Variants in STAP1 observed in about 807,000 individuals in gnomAD.
STAP1 encodes signal transducing adaptor family member 1.
Under a neutral mutation model 37.8 loss-of-function variants are expected in STAP1, and 30 were observed. That is an observed-to-expected ratio of 0.79 (90% CI 0.59 to 1.08). STAP1 has a LOEUF of 1.08. Among genes scored for constraint, STAP1 ranks in the 50% least tolerant of loss-of-function variants. The pLI, the probability that STAP1 is intolerant of heterozygous loss-of-function variation, is 0.00. For synonymous variants in STAP1, 130 were observed against 116.0 expected (o/e 1.12, Z -0.78); for missense variants, 357 against 349.4 (o/e 1.02, Z -0.17).
At chr4:67,598,091 C>A (rs1728263477) in intron 8 of STAP1, among the ~76,000 whole-genome samples, 1 of 152,066 alleles carries the variant, frequency 6.6e-6, no homozygotes, top group Admixed American at 6.5e-5. Flanking sequence ...AGGGAGGGAT[C>A]TGGTGGGAGG....
At chr4:67,595,183 A>C (rs1031094095) in intron 8 of STAP1, among the ~76,000 whole-genome samples, 1 of 152,014 alleles carries the variant, frequency 6.6e-6, no homozygotes, top group Non-Finnish European at 1.5e-5. Flanking sequence ...AATTATTTTT[A>C]AACTGGGAGG....
At chr4:67,577,617 A>C (rs1439659851) in intron 4 of STAP1, among the ~76,000 whole-genome samples, 4 of 150,496 alleles carry the variant, frequency 2.7e-5, no homozygotes, top group African/African-American at 9.8e-5. Flanking sequence ...GTTTGAAAAT[A>C]CATTCCAATT....
intron 1 of STAP1, among the ~76,000 whole-genome samples, chr4:67,564,399 C>T (rs1360648796): frequency 6.6e-6 from 1 of 152,084 alleles, no homozygotes; most frequent in Non-Finnish European, 1.5e-5. Context: ...AGACTGAACA[C>T]CTCTACAATT....
rs72848566 is a variant in STAP1 at position 67,600,548 on chromosome 4, T to C, written c.827-5748T>C. ...GGTCTATGGTGCAGATTATGTCCGATGTTTGTTGATTTTCTGTCTGGCTGA... is the reference window on the plus strand; with the variant it reads ...GGTCTATGGTGCAGATTATGTCCGACGTTTGTTGATTTTCTGTCTGGCTGA... On this transcript the variant is annotated intron_variant, in intron 8 of 8. Transcript: ENST00000265404. Among the ~76,000 whole-genome samples the C allele has an allele frequency of 2.8e-3, 423 of 152,254 alleles. 2 individuals are homozygous for C. The highest frequency in any genetic ancestry group is 9.7e-3 in the African/African-American group (404 of 41,558).
intron 4 of STAP1, among the ~76,000 whole-genome samples, chr4:67,580,634 G>A (rs1490373527): frequency 6.6e-6 from 1 of 152,136 alleles, no homozygotes; most frequent in Non-Finnish European, 1.5e-5. Context: ...TACCTTCTAA[G>A]AGCACAGAGC....
rs3032636 is a variant in STAP1, at chr4:67,588,039, T to TAAAAAAA, written c.660-2825_660-2819dup. ...GCACCCGGCTGGGGACACATTTTCT[T>TAAAAAAA]AAAAAAAAAAAAAAAAAAAAAAAAA... On this transcript the variant is annotated intron_variant, in intron 6 of 8. Transcript: ENST00000265404. 6.5e-4 allele frequency among the ~76,000 whole-genome samples: 56 copies of TAAAAAAA among 85,626 alleles called. 1 individual carries two copies. The highest frequency in any genetic ancestry group is 8.5e-4 in the African/African-American group (17 of 19,932). 56.2% of individuals were successfully genotyped at this position (85,626 alleles called of 152,430 possible).
Position 67,572,577 on chromosome 4 carries a change from T to A in STAP1, c.192+1422T>A, listed in dbSNP as rs1285709774. 2.6e-5 allele frequency among the ~76,000 whole-genome samples: 4 copies of A among 151,938 alleles called. No individual in the cohort carries two copies. The East Asian group carries it at 7.7e-4, about 29-fold the overall frequency. ...TACAGGTCTCTCTCCTGCCGCAGAG[T>A]GTTGGGTGGTGAAGGAATAAAAGTG... On this transcript the variant is annotated intron_variant, in intron 2 of 8. Coordinates refer to ENST00000265404, the MANE Select transcript of STAP1 (RefSeq NM_012108.4).
At chr4:67,594,967 G>A (rs1049551882) in intron 8 of STAP1, among the ~76,000 whole-genome samples, 1 of 152,074 alleles carries the variant, frequency 6.6e-6, no homozygotes, top group Non-Finnish European at 1.5e-5. Context: ...TGATTGGGAA[G>A]TATTTTCTTA....
At chr4:67,601,378 T>C (rs967739162) in intron 8 of STAP1, among the ~76,000 whole-genome samples, 1 of 152,208 alleles carries the variant, frequency 6.6e-6, no homozygotes, top group Non-Finnish European at 1.5e-5. Context: ...ATTTAAGATA[T>C]AAGTAGTTTA....
chr4:67,598,716 C>A (rs1728275679), intron 8 of STAP1, among the ~76,000 whole-genome samples: 1 of 152,170 alleles, frequency 6.6e-6, no homozygotes. Context: ...TATTTTCTCC[C>A]ATTCTGTGGG....
chr4:67,579,151 G>A (rs1727794218), intron 4 of STAP1, among the ~76,000 whole-genome samples: 1 of 152,082 alleles, frequency 6.6e-6, no homozygotes, highest in Admixed American at 6.6e-5. Context: ...ACCACGCCCA[G>A]CCCATGTGAA....
In STAP1 at chr4:67,583,574, A is replaced by G. The variant is rs764799250; in HGVS notation, c.531A>G (p.Ala177=). The G allele has an allele frequency of 3.7e-6, 6 of 1,604,900 alleles. No homozygotes were observed. The highest frequency in any genetic ancestry group is 5.1e-6 in the Non-Finnish European group (6 of 1,177,308). Residue 177 remains alanine, a splice_region_variant and synonymous_variant, in exon 6 of 9, where the codon GCA becomes GCG. Coordinates refer to ENST00000265404, the MANE Select transcript of STAP1 (RefSeq NM_012108.4). ...CTGTTTTTTTATCTCACCTCTGTAG[A>G]TGTTTTTATACAGTGTCCCGGAAAG... ...DYVDVLNPMP[A]CFYTVSRKEA... is the part of the protein sequence containing the mutation.
At chr4:67,574,935 G>C (rs902568321) in intron 2 of STAP1, among the ~76,000 whole-genome samples, 1 of 152,110 alleles carries the variant, frequency 6.6e-6, no homozygotes, top group Non-Finnish European at 1.5e-5. Flanking sequence ...ACCTCACGGA[G>C]CATGTAGTTG....
At chr4:67,572,507 A>G (rs1727627042) in intron 2 of STAP1, among the ~76,000 whole-genome samples, 1 of 152,136 alleles carries the variant, frequency 6.6e-6, no homozygotes, top group African/African-American at 2.4e-5. Flanking sequence ...CAGTGGTCCA[A>G]CCCAATAGGA....
intron 8 of STAP1, among the ~76,000 whole-genome samples, chr4:67,595,008 A>C (rs1400296946): frequency 6.6e-6 from 1 of 151,988 alleles, no homozygotes; most frequent in Non-Finnish European, 1.5e-5. Context: ...TTTTTTTAAC[A>C]GTGTCTTTAG....
rs369860617 is a variant in STAP1 at position 67,581,292 on chromosome 4, T to G, written c.364-13T>G. 2.9e-5 allele frequency: 47 copies of G among 1,608,178 alleles called. No individual in the cohort carries two copies. The highest frequency in any genetic ancestry group is 3.8e-5 in the Non-Finnish European group (45 of 1,177,928). On this transcript the variant is annotated splice_polypyrimidine_tract_variant and intron_variant, in intron 4 of 8. Coordinates refer to ENST00000265404, the MANE Select transcript of STAP1 (RefSeq NM_012108.4). ...CTGTTTTCTTGCCTGCCTACTCTTT[T>G]AATTGGTTTCAGCTGTCAGTTCCCC...
chr4:67,591,463 C>A (rs1376989872), intron 7 of STAP1, among the ~76,000 whole-genome samples: 1 of 152,064 alleles, frequency 6.6e-6, no homozygotes, highest in Non-Finnish European at 1.5e-5. Context: ...TTATCATTAC[C>A]CTGAGGTAGA....
chr4:67,561,804 T>A (rs1398165804), intron 1 of STAP1, among the ~76,000 whole-genome samples: 1 of 151,920 alleles, frequency 6.6e-6, no homozygotes, highest in Non-Finnish European at 1.5e-5. Flanking sequence ...CCGGGAGCGG[T>A]GGCTCATGCA....
chr4:67,565,325 T>C (rs561182466), intron 1 of STAP1, among the ~76,000 whole-genome samples: 48 of 152,280 alleles, frequency 3.2e-4, no homozygotes, highest in Middle Eastern at 6.8e-3. Context: ...TTAAACCTCT[T>C]TATTTAAGAA....
Sources: gnomAD v4.1 joint callset for allele counts (sites outside exome capture counted in the v4.1 genomes callset) on GRCh38, gnomAD v4.1.1 for gene constraint, MANE v1.5 for transcripts, NCBI Gene and HGNC (gene_info 2026-07-23, HGNC 2026-07-21) for gene names.